The following SCN10A variants were observed in gnomAD, a reference collection of about 807,000 sequenced individuals.
SCN10A encodes the protein sodium voltage-gated channel alpha subunit 10.
In SCN10A, 162 loss-of-function variants were observed where a neutral mutation model predicts 170.7. The ratio of observed to expected loss-of-function variants is 0.95; its 90% CI spans 0.84 to 1.08. The LOEUF is 1.08. SCN10A is among the 50% of genes least tolerant of loss of function. The probability of loss-of-function intolerance (pLI) is 0.00; values close to 1 mark genes in which losing one functional copy is unlikely to be tolerated. For missense variants in SCN10A, 2,527 were observed against 2,436.9 expected (o/e 1.04, Z -0.78); for synonymous variants, 985 against 904.6 (o/e 1.09, Z -1.59).
intron 15 of SCN10A, among the ~76,000 whole-genome samples, chr3:38,734,900 G>T (rs188656041): frequency 5.3e-5 from 8 of 152,272 alleles, no homozygotes; most frequent in African/African-American, 1.7e-4. Flanking sequence ...CTGGGCGTGG[G>T]TGGCTCATGC....
At chr3:38,783,241 C>A (rs1198547503) in intron 4 of SCN10A, among the ~76,000 whole-genome samples, 1 of 152,056 alleles carries the variant, frequency 6.6e-6, no homozygotes, top group Non-Finnish European at 1.5e-5. Flanking sequence ...GCTTGTGTGA[C>A]AACTACCCAT....
chr3:38,791,938 T>C (rs2064286507), intron 3 of SCN10A, 112 bp downstream of exon 3: 1 of 1,395,274 alleles, frequency 7.2e-7, no homozygotes, highest in Admixed American at 2.2e-5. Flanking sequence ...CTCATTGTAC[T>C]TTTGGGATTC....
intron 5 of SCN10A, among the ~76,000 whole-genome samples, chr3:38,767,736 T>C (rs1282173273): frequency 6.6e-6 from 1 of 152,114 alleles, no homozygotes; most frequent in Non-Finnish European, 1.5e-5. Flanking sequence ...AGAATGTTTT[T>C]TAAATATCTG....
At chr3:38,740,303 T>C (rs760396460) in intron 14 of SCN10A, among the ~76,000 whole-genome samples, 1 of 152,348 alleles carries the variant, frequency 6.6e-6, no homozygotes, top group Non-Finnish European at 1.5e-5. Flanking sequence ...ATTCTGACAC[T>C]GAGAGAGGTC....
intron 6 of SCN10A, among the ~76,000 whole-genome samples, chr3:38,763,049 C>T (rs2126033914): frequency 6.6e-6 from 1 of 152,266 alleles, no homozygotes; most frequent in East Asian, 1.9e-4. Context: ...TCAAGAATTG[C>T]CTAATTCTTT....
At chr3:38,798,783 C>T (rs1304462208) in intron 1 of SCN10A, among the ~76,000 whole-genome samples, 1 of 84,102 alleles carries the variant, frequency 1.2e-5, no homozygotes, top group Non-Finnish European at 2.2e-5. Flanking sequence ...TTCCCCTTGC[C>T]TCCTTTTTTT....
intron 14 of SCN10A, among the ~76,000 whole-genome samples, chr3:38,740,007 T>C (rs190265437): frequency 1.3e-5 from 2 of 152,332 alleles, no homozygotes; most frequent in East Asian, 3.9e-4. Flanking sequence ...TCTGGTTCAG[T>C]AGTTAAAACG....
Position 38,739,512 on chromosome 3 carries a change from T to C in SCN10A, c.2280+3A>G. 6.2e-7 allele frequency: 1 copy of C among 1,612,536 alleles called. No homozygotes were observed. Among genetic ancestry groups the C allele is most frequent in the Non-Finnish European group, 8.5e-7 (1 of 1,179,284 alleles). On this transcript the variant is annotated splice_donor_region_variant and intron_variant, in intron 15 of 27. Transcript: ENST00000449082. ...CCCCAAGCCATCAAGAGAAAAACAT[T>C]ACCAAGCGGAAGCTCCGCAGCACAG...
At chr3:38,774,187 G>C (rs961076920) in intron 4 of SCN10A, among the ~76,000 whole-genome samples, 3 of 152,114 alleles carry the variant, frequency 2.0e-5, no homozygotes, top group Admixed American at 6.5e-5. Context: ...TGCTTGAGCT[G>C]TCAGCTTCCA....
intron 10 of SCN10A, 45 bp downstream of exon 10, chr3:38,756,629 G>A (rs946752304): frequency 2.7e-6 from 4 of 1,504,914 alleles, no homozygotes; most frequent in African/African-American, 1.4e-5. Context: ...ATCCAAGAAT[G>A]GACAGTCTGC....
chr3:38,801,858 T>G (rs2064373290), intron 1 of SCN10A, among the ~76,000 whole-genome samples: 1 of 152,224 alleles, frequency 6.6e-6, no homozygotes, highest in South Asian at 2.1e-4. Context: ...TATATACAAC[T>G]ACGGTTAGCA....
chr3:38,707,159 C>T (rs925121622), intron 26 of SCN10A, 120 bp downstream of exon 26: 20 of 1,063,498 alleles, frequency 1.9e-5, no homozygotes, highest in Admixed American at 1.0e-4. Flanking sequence ...CTCATCCCAA[C>T]GTCAACCCAG....
chr3:38,772,466 G>C (rs1483386547), intron 4 of SCN10A, among the ~76,000 whole-genome samples: 10 of 152,158 alleles, frequency 6.6e-5, no homozygotes, highest in African/African-American at 1.9e-4. Flanking sequence ...GAGGCGGGCA[G>C]ATTACGAGGT....
intron 4 of SCN10A, among the ~76,000 whole-genome samples, chr3:38,778,535 C>G (rs1295122464): frequency 6.6e-6 from 1 of 151,918 alleles, no homozygotes; most frequent in Non-Finnish European, 1.5e-5. Context: ...AGACATAGAG[C>G]TACCATTATC....
In SCN10A at chr3:38,702,162, G is replaced by T. The variant is rs1056331749; in HGVS notation, c.4387-53C>A. On this transcript the variant is annotated intron_variant, in intron 26 of 27. Coordinates refer to ENST00000449082, the MANE Select transcript of SCN10A (RefSeq NM_006514.4). ...GGGCCTTTGGGCCAGCACAAACCAG[G>T]CATCTGTGTTATCTGTAGATGAGTT... 5 of 1,506,164 alleles carry T rather than the reference G, an allele frequency of 3.3e-6. No homozygotes were observed. In the Admixed American group the frequency reaches 6.9e-5, roughly 21 times the overall value. The allele number at this position is 1,506,164 out of a possible 1,614,324, so 93.3% of individuals were successfully genotyped here.
intron 26 of SCN10A, among the ~76,000 whole-genome samples, chr3:38,705,423 T>C (rs1402104153): frequency 1.3e-5 from 2 of 152,172 alleles, no homozygotes; most frequent in Non-Finnish European, 2.9e-5. Context: ...CCCTGTGCCA[T>C]CCTCGGAGGA....
At chr3:38,776,757 A>C (rs1278936572) in intron 4 of SCN10A, among the ~76,000 whole-genome samples, 1 of 152,070 alleles carries the variant, frequency 6.6e-6, no homozygotes, top group Non-Finnish European at 1.5e-5. Flanking sequence ...TTGAGGAGAG[A>C]GTTGGAACAT....
chr3:38,746,063 G>GTGTATATATATATGTGTGTGTATATA (rs1293476818), intron 13 of SCN10A, among the ~76,000 whole-genome samples: 170 of 61,660 alleles, frequency 2.8e-3, no homozygotes, highest in Non-Finnish European at 5.0e-3. Context: ...GTGTGTATGT[G>GTGTATATATATATGTGTGTGTATATA]TATATATATA....
rs753297701 is a variant in SCN10A at position 38,739,687 on chromosome 3, A to T, written c.2108T>A (p.Val703Asp). The T allele has an allele frequency of 6.2e-7, 1 of 1,610,178 alleles. No homozygotes were observed. The highest frequency in any genetic ancestry group is 8.5e-7 in the Non-Finnish European group (1 of 1,176,860). The part of the protein sequence containing the change: ...FEAMLQIGNI[V>D]FTIFFTAEMV... The stretch of plus-strand genomic sequence containing the variant: ...TTCAGCAGTAAAAAATATGGTAAAG[A>T]CCTAGGAGTGGAAACAAGCTTTCAT... The change falls in exon 15 of 28, where the codon GTC (valine) becomes GAC (aspartate). Residue 703 changes from valine (V) to aspartate (D), a missense_variant and splice_region_variant. Transcript: ENST00000449082.
Sources: gnomAD v4.1 joint callset for allele counts (sites outside exome capture counted in the v4.1 genomes callset) on GRCh38, gnomAD v4.1.1 for gene constraint, MANE v1.5 for transcripts, NCBI Gene and HGNC (gene_info 2026-07-23, HGNC 2026-07-21) for gene names.